The following PCDH7 variants were observed in gnomAD, a reference collection of about 807,000 sequenced individuals.
The protein encoded by PCDH7 is protocadherin 7, also known as protocadherin-7.
In PCDH7, 17 loss-of-function variants were observed where a neutral mutation model predicts 58.9. That is an observed-to-expected ratio of 0.29 (90% confidence interval 0.20 to 0.43). The LOEUF is 0.43. Ranked by LOEUF, PCDH7 falls within the 20% of genes least tolerant of loss-of-function variation. PCDH7 has a pLI of 1.00. For missense variants in PCDH7, 1,274 were observed against 1,441.0 expected, an observed-to-expected ratio of 0.88 and a Z score of 1.88; for synonymous variants, 664 against 616.4, an observed-to-expected ratio of 1.08 and a Z score of -1.14.
chr4:30,837,772 G>A (rs956542635), intron 1 of PCDH7, among the ~76,000 whole-genome samples: 1 of 151,156 alleles, frequency 6.6e-6, no homozygotes, highest in South Asian at 2.1e-4. Flanking sequence ...ATTAACTCTC[G>A]CTCTATTATT....
chr4:30,782,868 G>A (rs1722970867), intron 1 of PCDH7, among the ~76,000 whole-genome samples: 1 of 152,058 alleles, frequency 6.6e-6, no homozygotes, highest in South Asian at 2.1e-4. Flanking sequence ...GGCACCTCTC[G>A]AATGAGGGTC....
chr4:31,145,823 G>A (rs1374612794), downstream of PCDH7: 1 of 152,008 alleles, frequency 6.6e-6, no homozygotes, highest in South Asian at 2.1e-4. Flanking sequence ...ATTTGGCAAG[G>A]TAAAATACTG....
intron 1 of PCDH7, among the ~76,000 whole-genome samples, chr4:30,765,323 C>A (rs1458056482): frequency 6.6e-6 from 1 of 151,984 alleles, no homozygotes; most frequent in Non-Finnish European, 1.5e-5. Context: ...TCAATGGCAT[C>A]TGGTGACTTT....
chr4:30,910,859 G>C (rs573262436), intron 1 of PCDH7, among the ~76,000 whole-genome samples: 1 of 152,058 alleles, frequency 6.6e-6, no homozygotes, highest in Non-Finnish European at 1.5e-5. Flanking sequence ...ACATGCACAC[G>C]TATGTTTACT....
At chr4:31,067,374 C>CAAAAA (rs10715937) in intron 3 of PCDH7, among the ~76,000 whole-genome samples, 3 of 109,644 alleles carry the variant, frequency 2.7e-5, no homozygotes, top group Non-Finnish European at 3.8e-5. Flanking sequence ...ATCACTGAGA[C>CAAAAA]AAAAAAAAAA....
At chr4:31,069,476 C>T (rs1321273139) in intron 3 of PCDH7, among the ~76,000 whole-genome samples, 3 of 151,496 alleles carry the variant, frequency 2.0e-5, no homozygotes, top group Non-Finnish European at 4.4e-5. Context: ...CAGAGAAAAC[C>T]CAGAGAGAAG....
At chr4:30,905,893 T>C (rs1740856529) in intron 1 of PCDH7, among the ~76,000 whole-genome samples, 1 of 152,208 alleles carries the variant, frequency 6.6e-6, no homozygotes, top group South Asian at 2.1e-4. Flanking sequence ...TGCAGCCTTT[T>C]ACACACAGTA....
At chr4:30,873,595 G>A (rs964247570) in intron 1 of PCDH7, among the ~76,000 whole-genome samples, 8 of 151,910 alleles carry the variant, frequency 5.3e-5, no homozygotes, top group African/African-American at 1.5e-4. Context: ...AAGAGGGAGT[G>A]TAGGTCATTT....
At chr4:30,870,295 C>T (rs1735409547) in intron 1 of PCDH7, among the ~76,000 whole-genome samples, 1 of 151,960 alleles carries the variant, frequency 6.6e-6, no homozygotes, top group African/African-American at 2.4e-5. Flanking sequence ...ATAATTAGAT[C>T]CCATTTGTCA....
intron 3 of PCDH7, among the ~76,000 whole-genome samples, chr4:30,962,553 C>G (rs1340364700): frequency 6.6e-6 from 1 of 151,762 alleles, no homozygotes; most frequent in Non-Finnish European, 1.5e-5. Flanking sequence ...TTGGAAAACC[C>G]AAGTGGGAGG....
chr4:30,829,182 T>C (rs1481979187), intron 1 of PCDH7, among the ~76,000 whole-genome samples: 1 of 151,734 alleles, frequency 6.6e-6, no homozygotes, highest in Non-Finnish European at 1.5e-5. Flanking sequence ...CTGGGATTTG[T>C]GTGTGCTGAG....
At chr4:30,845,858 G>T (rs976842456) in intron 1 of PCDH7, among the ~76,000 whole-genome samples, 10 of 152,120 alleles carry the variant, frequency 6.6e-5, no homozygotes, top group African/African-American at 2.2e-4. Flanking sequence ...CTCCCAAAGT[G>T]TTGGGATTAC....
At chr4:31,026,103 C>T (rs2109177463) in intron 3 of PCDH7, among the ~76,000 whole-genome samples, 1 of 152,270 alleles carries the variant, frequency 6.6e-6, no homozygotes, top group South Asian at 2.1e-4. Flanking sequence ...ATTGAGGTCA[C>T]ATTGACTTTG....
chr4:30,733,351 T>C (rs768637497), downstream of PCDH7, among the ~76,000 whole-genome samples: 7 of 151,542 alleles, frequency 4.6e-5, no homozygotes, highest in Non-Finnish European at 1.0e-4. Context: ...TCAGTACCGG[T>C]CCTGGTACTA....
chr4:30,814,823 T>C (rs1727463741), intron 1 of PCDH7, among the ~76,000 whole-genome samples: 2 of 152,288 alleles, frequency 1.3e-5, no homozygotes, highest in East Asian at 1.9e-4. Context: ...AAGGTAAGAA[T>C]GTAAGAGTGA....
chr4:30,796,221 T>G (rs1244644945), intron 1 of PCDH7, among the ~76,000 whole-genome samples: 1 of 152,214 alleles, frequency 6.6e-6, no homozygotes, highest in Non-Finnish European at 1.5e-5. Flanking sequence ...CAGTTTTTCT[T>G]ATTAACTGGT....
chr4:30,952,010 G>T (rs1476862200), intron 3 of PCDH7, among the ~76,000 whole-genome samples: 1 of 152,058 alleles, frequency 6.6e-6, no homozygotes, highest in Non-Finnish European at 1.5e-5. Context: ...TCCTGAACAT[G>T]GGCCCTTCCC....
At chr4:30,765,218 C>T (rs532178549) in intron 1 of PCDH7, among the ~76,000 whole-genome samples, 4 of 132,604 alleles carry the variant, frequency 3.0e-5, no homozygotes, top group African/African-American at 1.1e-4. Flanking sequence ...TTCCTGAAAA[C>T]GACCTCGAAA....
chr4:30,784,014 A>G (rs1344152279), intron 1 of PCDH7, among the ~76,000 whole-genome samples: 1 of 152,050 alleles, frequency 6.6e-6, no homozygotes, highest in Non-Finnish European at 1.5e-5. Context: ...GAAAGGTTGA[A>G]AGGCAAAGAC....
Sources: allele counts gnomAD v4.1 joint callset (sites outside exome capture counted in the v4.1 genomes callset), GRCh38; gene constraint gnomAD v4.1.1; transcripts MANE v1.5; gene names NCBI Gene and HGNC (gene_info 2026-07-23, HGNC 2026-07-21).